Variants in SEC24D observed in about 807,000 individuals in gnomAD.
The protein encoded by SEC24D is SEC24 homolog D, COPII component.
A neutral mutation model predicts 116.9 loss-of-function variants in SEC24D; 69 were observed. The observed-to-expected ratio is 0.59, with a 90% CI of 0.49 to 0.72. SEC24D has a LOEUF of 0.72. SEC24D is among the 30% of genes least tolerant of loss of function. The probability of loss-of-function intolerance (pLI) is 0.00; values close to 1 mark genes in which losing one functional copy is unlikely to be tolerated. For synonymous variants in SEC24D, 405 were observed against 442.8 expected (o/e 0.91, Z 1.07); for missense variants, 1,131 against 1,264.1 (o/e 0.89, Z 1.60).
chr4:118,738,626 G>C lies in SEC24D; in HGVS notation c.2378-247C>G, dbSNP rs145037947. 1.2e-4 allele frequency among the ~76,000 whole-genome samples: 18 copies of C among 152,204 alleles called. No homozygotes were observed. In the East Asian group the frequency reaches 3.5e-3, roughly 29 times the overall value. ...GGCCAGATTTACCTTCAGAATATTA[G>C]AATTGTACACACAGAAAAAAAGACA... On this transcript the variant is annotated intron_variant, in intron 18 of 22. Transcript: ENST00000280551.
At chr4:118,741,920 G>A (rs950897495) in intron 15 of SEC24D, among the ~76,000 whole-genome samples, 6 of 152,240 alleles carry the variant, frequency 3.9e-5, no homozygotes, top group Admixed American at 3.3e-4. Context: ...AAATGCTACG[G>A]CAGGATTCAG....
In SEC24D at chr4:118,723,586, G is replaced by A; in HGVS notation, c.3028C>T (p.Leu1010Phe). ...FRQFLVEDKG[L>F]YGGSSYVDFL... ...TCCACATAAGAAGAGCCTCCGTAAA[G>A]TCCTTTGTCTTCTACCAGGAACTGT... The change falls in exon 23 of 23, where the codon CTT becomes TTT. Residue 1010 changes from leucine (L) to phenylalanine (F), a missense_variant. Physicochemically the swap from Leu to Phe is conservative, Grantham distance 22 (BLOSUM62 0). Coordinates refer to ENST00000280551, the MANE Select transcript of SEC24D (RefSeq NM_014822.4). 1 of 1,613,834 alleles carries A rather than the reference G, an allele frequency of 6.2e-7. No homozygotes were observed.
At chr4:118,788,587 CCA>C (rs1220200091) in intron 8 of SEC24D, among the ~76,000 whole-genome samples, 20 of 152,290 alleles carry the variant, frequency 1.3e-4, no homozygotes, top group Admixed American at 1.2e-3. Context: ...GTTAATTCTC[CCA>C]CAGTGTTGAG....
At chr4:118,814,414 C>T (rs1730050512) in intron 6 of SEC24D, among the ~76,000 whole-genome samples, 1 of 152,176 alleles carries the variant, frequency 6.6e-6, no homozygotes, top group African/African-American at 2.4e-5. Context: ...CAATCTGCAG[C>T]TGCCACAGCC....
At chr4:118,779,399 T>A (rs1423264825) in intron 8 of SEC24D, among the ~76,000 whole-genome samples, 1 of 152,214 alleles carries the variant, frequency 6.6e-6, no homozygotes, top group African/African-American at 2.4e-5. Flanking sequence ...ATGTGATGGA[T>A]TACATTTACT....
At chr4:118,733,840 C>T (rs1442345500) in intron 19 of SEC24D, among the ~76,000 whole-genome samples, 1 of 151,850 alleles carries the variant, frequency 6.6e-6, no homozygotes, top group Non-Finnish European at 1.5e-5. Context: ...CCTTTTAATT[C>T]TACCTTCATA....
chr4:118,732,683 T>C (rs772012883), intron 20 of SEC24D, 50 bp downstream of exon 20: 7 of 1,547,734 alleles, frequency 4.5e-6, no homozygotes. Context: ...GCACAAAATA[T>C]GATTCCCTTC....
chr4:118,749,333 G>A (rs1027398484), intron 13 of SEC24D, among the ~76,000 whole-genome samples: 1 of 152,140 alleles, frequency 6.6e-6, no homozygotes. Context: ...TTATCTTCAT[G>A]ACAAATTAGC....
intron 14 of SEC24D, 41 bp from the exon 15 acceptor site, chr4:118,744,199 C>T (rs1226774136): frequency 2.1e-6 from 3 of 1,453,934 alleles, no homozygotes; most frequent in Non-Finnish European, 1.8e-6. Context: ...ATAAAAATTA[C>T]AAAATGTTTT....
Position 118,817,063 on chromosome 4 carries a change from T to C in SEC24D, c.397+201A>G, listed in dbSNP as rs556500894. Among the ~76,000 whole-genome samples, 7 of 152,338 alleles carry C rather than the reference T, an allele frequency of 4.6e-5. No individual in the cohort carries two copies. In the South Asian group the frequency reaches 1.2e-3, roughly 27 times the overall value. On this transcript the variant is annotated intron_variant, in intron 4 of 22. Coordinates refer to ENST00000280551, the MANE Select transcript of SEC24D (RefSeq NM_014822.4). Reference sequence around the variant, plus strand: ...GTATTCTGAGGGTCCTTCAATTACCTTGAAATAAGTGGCAGCATGATCAAG... The same window carrying C: ...GTATTCTGAGGGTCCTTCAATTACCCTGAAATAAGTGGCAGCATGATCAAG...
chr4:118,762,419 C>T (rs930218659), intron 10 of SEC24D, among the ~76,000 whole-genome samples: 3 of 152,098 alleles, frequency 2.0e-5, no homozygotes, highest in Non-Finnish European at 4.4e-5. Flanking sequence ...ATGGTACGCA[C>T]CACATGGGTT....
intron 2 of SEC24D, among the ~76,000 whole-genome samples, chr4:118,829,176 T>C (rs183538608): frequency 6.6e-6 from 1 of 152,346 alleles, no homozygotes; most frequent in Non-Finnish European, 1.5e-5. Context: ...GCTTATTTTA[T>C]TAAGTGTCAT....
chr4:118,825,411 A>G (rs1447397012), intron 2 of SEC24D: 2 of 363,996 alleles, frequency 5.5e-6, no homozygotes, highest in East Asian at 7.3e-5. Context: ...CTGTGTTTTC[A>G]TTTATTAGCA....
At chr4:118,744,895 A>T in intron 14 of SEC24D, 49 bp downstream of exon 14, 1 of 1,026,222 alleles carries the variant, frequency 9.7e-7, no homozygotes, top group African/African-American at 1.6e-5. Flanking sequence ...CTGCCTCTTT[A>T]ACTCCTCTTA....
rs578161815 is a variant in SEC24D at position 118,780,664 on chromosome 4, T to C, written c.1042-12353A>G. On this transcript the variant is annotated intron_variant, in intron 8 of 22. Transcript: ENST00000280551. ...CAAGTCCTGGATATCCTTGTTAACC[T>C]TCTGTCTCATTGATCTGTCTAAAAA... Among the ~76,000 whole-genome samples, 3 of 152,290 alleles carry C rather than the reference T, an allele frequency of 2.0e-5. No individual in the cohort carries two copies. The South Asian group carries it at 6.2e-4, about 32-fold the overall frequency.
At chr4:118,822,829 T>C (rs1294353992) in intron 3 of SEC24D, among the ~76,000 whole-genome samples, 2 of 152,112 alleles carry the variant, frequency 1.3e-5, no homozygotes, top group East Asian at 3.9e-4. Context: ...CGTGTCAGCC[T>C]CCCAAAGTGT....
At chr4:118,773,491 T>G (rs182423010) in intron 8 of SEC24D, among the ~76,000 whole-genome samples, 50 of 152,346 alleles carry the variant, frequency 3.3e-4, no homozygotes, top group African/African-American at 1.1e-3. Flanking sequence ...CGGCTACTTC[T>G]TGGAATTGGA....
At chr4:118,751,825 T>A (rs1182382864) in intron 13 of SEC24D, among the ~76,000 whole-genome samples, 171 bp downstream of exon 13, 1 of 152,192 alleles carries the variant, frequency 6.6e-6, no homozygotes, top group Non-Finnish European at 1.5e-5. Flanking sequence ...CTGGGAGCAA[T>A]CTGTGGTTTT....
chr4:118,740,341 A>G (rs1447059531), intron 17 of SEC24D, among the ~76,000 whole-genome samples: 2 of 152,190 alleles, frequency 1.3e-5, no homozygotes, highest in Admixed American at 1.3e-4. Flanking sequence ...TAATATTCAT[A>G]TGGTAGATGT....
Sources: gnomAD v4.1 joint callset for allele counts (sites outside exome capture counted in the v4.1 genomes callset) on GRCh38, gnomAD v4.1.1 for gene constraint, MANE v1.5 for transcripts, NCBI Gene and HGNC (gene_info 2026-07-23, HGNC 2026-07-21) for gene names.